The following SYTL5 variants were observed in gnomAD, a reference collection of about 807,000 sequenced individuals.
SYTL5 encodes synaptotagmin like 5.
A neutral mutation model predicts 55.9 loss-of-function variants in SYTL5; 34 were observed. The ratio of observed to expected loss-of-function variants is 0.61; its 90% CI spans 0.46 to 0.81. The LOEUF (loss-of-function observed/expected upper bound fraction) is 0.81, where lower values mean the gene tolerates loss of function less well. Ranked by LOEUF, SYTL5 falls within the 30% of genes least tolerant of loss-of-function variation. The probability of loss-of-function intolerance (pLI) is 0.00; values close to 1 mark genes in which losing one functional copy is unlikely to be tolerated. For synonymous variants in SYTL5, 221 were observed against 188.7 expected, an observed-to-expected ratio of 1.17 and a Z score of -1.40; for missense variants, 637 against 546.7, an observed-to-expected ratio of 1.17 and a Z score of -1.65.
At chrX:38,046,629 T>C (rs982255933) in intron 2 of SYTL5, among the ~76,000 whole-genome samples, 3 of 111,341 alleles carry the variant, frequency 2.7e-5, no homozygotes, top group African/African-American at 9.8e-5. Flanking sequence ...CTCTTGCCCT[T>C]CCCAAATCTC....
At chrX:38,039,766 T>C (rs1468400735) in intron 2 of SYTL5, among the ~76,000 whole-genome samples, 3 of 112,462 alleles carry the variant, frequency 2.7e-5, no homozygotes. Context: ...ACTCTATTGG[T>C]TGCCTTACAA....
chrX:37,921,460 A>G, the SYTL5 span, among the ~76,000 whole-genome samples: 2 of 111,606 alleles, frequency 1.8e-5, no homozygotes, highest in Non-Finnish European at 3.8e-5. Flanking sequence ...GAAGAAACAA[A>G]TGATTAGGAA....
At chrX:38,034,145 C>T (rs1056996418) in intron 2 of SYTL5, 137 bp downstream of exon 2, 8 of 310,305 alleles carry the variant, frequency 2.6e-5, no homozygotes, top group Non-Finnish European at 3.4e-5. Flanking sequence ...TCATCAGTAG[C>T]CCAAATATCG....
intron 10 of SYTL5, among the ~76,000 whole-genome samples, chrX:38,104,294 C>A (rs1937152933): frequency 9.0e-6 from 1 of 111,715 alleles, no homozygotes; most frequent in Non-Finnish European, 1.9e-5. Context: ...TGCTGTGGTG[C>A]TCTGTGGTAC....
At chrX:38,100,620 GA>G (rs760172498) in intron 9 of SYTL5, among the ~76,000 whole-genome samples, 4 of 111,135 alleles carry the variant, frequency 3.6e-5, no homozygotes, top group Non-Finnish European at 5.7e-5. Context: ...TGGCAAAAAT[GA>G]AAAAAATATC....
In SYTL5 at chrX:38,101,242, G is replaced by A. The variant is rs1236875506; in HGVS notation, c.1063-1100G>A. 3.6e-5 allele frequency among the ~76,000 whole-genome samples: 4 copies of A among 111,226 alleles called. No homozygotes were observed. The East Asian group carries it at 1.1e-3, about 31-fold the overall frequency. On this transcript the variant is annotated intron_variant, in intron 9 of 16. Coordinates refer to ENST00000297875, the MANE Select transcript of SYTL5 (RefSeq NM_138780.3). ...AAAATATTAATTATTCCCGAGGGGA[G>A]AAGGGGCTTGTGATATGGACAGGAT...
At chrX:37,902,855 T>C in the SYTL5 span, among the ~76,000 whole-genome samples, 1 of 111,777 alleles carries the variant, frequency 8.9e-6, no homozygotes, top group Admixed American at 9.5e-5. Context: ...TCTGGAACAA[T>C]GTTACACACC....
At chrX:37,943,074 A>G in the SYTL5 span, among the ~76,000 whole-genome samples, 5 of 112,152 alleles carry the variant, frequency 4.5e-5, no homozygotes, top group East Asian at 2.8e-4. Flanking sequence ...TAAACAAAAG[A>G]GCTATCTACC....
chrX:37,915,572 TG>T, the SYTL5 span, among the ~76,000 whole-genome samples: 1 of 112,377 alleles, frequency 8.9e-6, no homozygotes, highest in Non-Finnish European at 1.9e-5. Context: ...AAAGTAGTAA[TG>T]ATTTTGAAAC....
the SYTL5 span, among the ~76,000 whole-genome samples, chrX:37,970,263 T>C: frequency 9.0e-6 from 1 of 110,845 alleles, no homozygotes; most frequent in Non-Finnish European, 1.9e-5. Context: ...GTCTTAAACA[T>C]CCCTCTTTCT....
chrX:38,065,432 C>G (rs982766767), intron 3 of SYTL5, among the ~76,000 whole-genome samples: 10 of 111,964 alleles, frequency 8.9e-5, no homozygotes, highest in Non-Finnish European at 1.9e-4. Flanking sequence ...ATTTCATCCT[C>G]ATTCGTGAAC....
chrX:38,029,327 A>G (rs911948730), intron 1 of SYTL5, among the ~76,000 whole-genome samples: 6 of 112,446 alleles, frequency 5.3e-5, no homozygotes, highest in African/African-American at 1.6e-4. Flanking sequence ...CCACATTCCT[A>G]TGACTTCTTA....
rs1353214168 is a variant in SYTL5, at chrX:38,093,605, A to G, written c.832-690A>G. Among the ~76,000 whole-genome samples the G allele has an allele frequency of 2.7e-5, 3 of 111,437 alleles. No individual in the cohort carries two copies. In the Admixed American group the frequency reaches 2.9e-4, roughly 11 times the overall value. ...AAGTCGGGACAGAATTTTCTTTACC[A>G]TATGTTACAATAAATGCAAGTCCCA... On this transcript the variant is annotated intron_variant, in intron 7 of 16. Transcript: ENST00000297875.
the SYTL5 span, among the ~76,000 whole-genome samples, chrX:37,940,436 G>T: frequency 9.8e-6 from 1 of 101,632 alleles, no homozygotes; most frequent in African/African-American, 3.6e-5. Flanking sequence ...AGCCGAGATC[G>T]CGCCACTGCA....
the SYTL5 span, among the ~76,000 whole-genome samples, chrX:37,932,158 C>G: frequency 8.9e-6 from 1 of 111,762 alleles, no homozygotes; most frequent in Admixed American, 9.5e-5. Flanking sequence ...ACTTAGGAAT[C>G]CTCATACTGT....
chrX:37,943,514 C>A, the SYTL5 span, among the ~76,000 whole-genome samples: 3 of 111,219 alleles, frequency 2.7e-5, no homozygotes, highest in Non-Finnish European at 3.8e-5. Context: ...GTAAGGGTGA[C>A]TCTTACTAGA....
chrX:38,080,026 AGTTCT>A (rs900751135), intron 6 of SYTL5, among the ~76,000 whole-genome samples: 1 of 111,767 alleles, frequency 8.9e-6, no homozygotes, highest in Admixed American at 9.5e-5. Flanking sequence ...TTTAACTGCG[AGTTCT>A]GTATTTTATC....
intron 14 of SYTL5, 50 bp from the exon 15 acceptor site, chrX:38,122,030 A>G (rs1473979788): frequency 2.8e-6 from 3 of 1,054,785 alleles, no homozygotes; most frequent in East Asian, 3.2e-5. Flanking sequence ...TGATTTATCT[A>G]TTTTTTTTTC....
chrX:37,960,405 A>G, the SYTL5 span, among the ~76,000 whole-genome samples: 1 of 112,255 alleles, frequency 8.9e-6, no homozygotes, highest in African/African-American at 3.2e-5. Context: ...TAGCCTTGAA[A>G]CATCCTGAAT....
Sources: gnomAD v4.1 joint callset for allele counts (sites outside exome capture counted in the v4.1 genomes callset) on GRCh38, gnomAD v4.1.1 for gene constraint, MANE v1.5 for transcripts, NCBI Gene and HGNC (gene_info 2026-07-23, HGNC 2026-07-21) for gene names.